The following LMO7 variants were observed in gnomAD, a reference collection of about 807,000 sequenced individuals.
LMO7 encodes the protein LIM domain 7.
A neutral mutation model predicts 206.5 loss-of-function variants in LMO7; 120 were observed. The ratio of observed to expected loss-of-function variants is 0.58; its 90% confidence interval spans 0.50 to 0.68. LMO7 has a LOEUF of 0.68. LMO7 is among the 30% of genes least tolerant of loss of function. The probability of loss-of-function intolerance (pLI) is 0.00; values close to 1 mark genes in which losing one functional copy is unlikely to be tolerated. For missense variants in LMO7, 1,959 were observed against 1,957.9 expected, an observed-to-expected ratio of 1.00 and a Z score of -0.01; for synonymous variants, 706 against 681.5, an observed-to-expected ratio of 1.04 and a Z score of -0.56.
At position 75,808,160 on chromosome 13, in the gene LMO7, C is replaced by T. The variant is rs2055790974; in HGVS notation, c.1877C>T (p.Ala626Val). The change falls in exon 10 of 31, where the codon GCC (alanine) becomes GTC (valine). Residue 626 changes from alanine (A) to valine (V), a missense_variant. Ala to Val is a moderately conservative substitution (Grantham distance 64). Transcript: ENST00000377534. ...AAGAGATGGGAGGCCATCCGGGAGGCCAGCAGACTTAGGCACAAGAAAAGG... is the reference window on the plus strand; with the variant it reads ...AAGAGATGGGAGGCCATCCGGGAGGTCAGCAGACTTAGGCACAAGAAAAGG... ...DLKRWEAIRE[A>V]SRLRHKKRLM... 1 of 1,613,614 alleles carries T rather than the reference C, an allele frequency of 6.2e-7. No individual in the cohort carries two copies. Among genetic ancestry groups the T allele is most frequent in the Non-Finnish European group, 8.5e-7 (1 of 1,179,720 alleles).
chr13:75,705,531 C>T (rs1236775369), intron 1 of LMO7, among the ~76,000 whole-genome samples: 3 of 152,182 alleles, frequency 2.0e-5, no homozygotes, highest in Non-Finnish European at 2.9e-5. Flanking sequence ...ACATAGTCAT[C>T]ACTCCTGTTT....
intron 4 of LMO7, among the ~76,000 whole-genome samples, chr13:75,793,305 T>G (rs1208968388): frequency 6.6e-6 from 1 of 152,166 alleles, no homozygotes; most frequent in African/African-American, 2.4e-5. Flanking sequence ...GACGGAGTCT[T>G]GCTCTTGTCG....
rs114594426 is a variant in LMO7, at chr13:75,686,356, G to T, written c.70-26826G>T. ...CCTCTTTATAAAATGATCAGATCTC[G>T]TGAGACTTAATCATCATCACGAGAA... On this transcript the variant is annotated intron_variant, in intron 1 of 30. Coordinates refer to ENST00000377534, the MANE Select transcript of LMO7 (RefSeq NM_001306080.2). Among the ~76,000 whole-genome samples, 188 of 152,134 alleles carry T rather than the reference G, an allele frequency of 1.2e-3. 2 individuals carry two copies. The highest frequency in any genetic ancestry group is 4.3e-3 in the African/African-American group (179 of 41,498).
At chr13:75,670,535 A>G (rs901961336) in intron 1 of LMO7, among the ~76,000 whole-genome samples, 4 of 152,226 alleles carry the variant, frequency 2.6e-5, no homozygotes, top group Non-Finnish European at 5.9e-5. Flanking sequence ...AATACTGTAG[A>G]TAATTGTAAC....
At chr13:75,662,819 G>T (rs778227446) in intron 1 of LMO7, among the ~76,000 whole-genome samples, 34 of 152,180 alleles carry the variant, frequency 2.2e-4, no homozygotes, top group Non-Finnish European at 4.4e-4. Context: ...CTGTGAAGGA[G>T]GACTGTGTGA....
In LMO7 at chr13:75,626,595, A is replaced by ATATATATATATATTTTTTTTTTTTTTTT; in HGVS notation, c.225+3276_225+3277insATATATATATATTTTTTTTTTTTTTTTT. 8.4e-5 allele frequency among the ~76,000 whole-genome samples: 6 copies of ATATATATATATATTTTTTTTTTTTTTTT among 71,178 alleles called. No individual in the cohort carries two copies. The East Asian group carries it at 2.4e-3, about 28-fold the overall frequency. The allele number at this position is 71,178 out of a possible 152,430, so 46.7% of individuals were successfully genotyped here. A position where few individuals can be genotyped will look rare whatever the true frequency, so the allele number is the denominator to read the frequency against. ...ATATATATTATATATATATATATAA[A>ATATATATATATATTTTTTTTTTTTTTTT]TTTTTTTGAGACAGGGTCTCACTCT... On this transcript the variant is annotated intron_variant, in intron 2 of 29. Coordinates refer to the LMO7 transcript ENST00000341547.
At chr13:75,644,273 T>G (rs994498102) in intron 1 of LMO7, among the ~76,000 whole-genome samples, 3 of 152,200 alleles carry the variant, frequency 2.0e-5, no homozygotes, top group Non-Finnish European at 4.4e-5. Flanking sequence ...CTGAGGATGT[T>G]CTTTTCCAAT....
chr13:75,829,241 G>A (rs1408388085), intron 15 of LMO7, among the ~76,000 whole-genome samples: 4 of 152,160 alleles, frequency 2.6e-5, no homozygotes, highest in Admixed American at 2.6e-4. Flanking sequence ...GGGAAAAAAG[G>A]CTGGAGAAAG....
intron 1 of LMO7, among the ~76,000 whole-genome samples, chr13:75,678,251 T>C (rs1031817566): frequency 6.6e-6 from 1 of 152,224 alleles, no homozygotes; most frequent in Non-Finnish European, 1.5e-5. Flanking sequence ...TAGTTTACAG[T>C]CCCACCACCA....
In LMO7 at chr13:75,807,750, G is replaced by A. The variant is rs772241528; in HGVS notation, c.1467G>A (p.Glu489=). 3 of 1,613,996 alleles carry A rather than the reference G, an allele frequency of 1.9e-6. No homozygotes were observed. The highest frequency in any genetic ancestry group is 2.2e-5 in the East Asian group (1 of 44,878). The change falls in exon 10 of 31, where the codon GAG becomes GAA. Residue 489 remains glutamate (E), a synonymous_variant. Transcript: ENST00000377534. The stretch of plus-strand genomic sequence containing the variant: ...TTGAAGACTTTAGAAAGTTCTCTGA[G>A]CAAGATGATTCTGTAGAGCGAGATA... The part of the protein sequence containing the change: ...RAFEDFRKFS[E]QDDSVERDII...
At chr13:75,782,047 G>A (rs2051556589) in intron 4 of LMO7, among the ~76,000 whole-genome samples, 1 of 152,092 alleles carries the variant, frequency 6.6e-6, no homozygotes, top group South Asian at 2.1e-4. Context: ...AGATGAGTAG[G>A]TTGCAAAAAT....
Position 75,800,837 on chromosome 13 carries a change from T to C in LMO7, c.616T>C (p.Leu206=). ...CTTGGACTCTTTGGGCTCGAGGTCA[T>C]TGACAAGCTGCTCCTCTGATATCAC... ...ESLDSLGSRS[L]TSCSSDITLR... The change falls in exon 7 of 31, where the codon TTG becomes CTG. Residue 206 remains leucine (L), a synonymous_variant. Transcript: ENST00000377534. 1.2e-6 allele frequency: 2 copies of C among 1,613,984 alleles called. No individual in the cohort carries two copies. Among genetic ancestry groups the C allele is most frequent in the Non-Finnish European group, 1.7e-6 (2 of 1,179,926 alleles).
Position 75,821,505 on chromosome 13 carries a change from A to G in LMO7, c.2536A>G (p.Arg846Gly), listed in dbSNP as rs1490876355. 1.9e-6 allele frequency: 3 copies of G among 1,613,980 alleles called. No individual in the cohort carries two copies. The highest frequency in any genetic ancestry group is 1.7e-5 in the Admixed American group (1 of 60,004). ...AACTCGTGTTTCAGCTTCTCTCCCC[A>G]GAAGTTACCGGAAAACTGATACAGT... ...ESTRVSASLP[R>G]SYRKTDTVRL... Residue 846 changes from arginine to glycine, a missense_variant, in exon 14 of 31, where the codon AGA becomes GGA. Physicochemically the swap from Arg to Gly is moderately radical, Grantham distance 125. Coordinates refer to ENST00000377534, the MANE Select transcript of LMO7 (RefSeq NM_001306080.2).
chr13:75,800,781 G>C lies in LMO7; in HGVS notation c.560G>C (p.Arg187Thr). ...CGTGGAGAATTTCTTGCTCCTCCAA[G>C]GCACCATAAGAGAGAAGATTCCTTT... is the stretch of plus-strand genomic sequence containing the variant. Reference protein sequence around the residue: ...PERGEFLAPPRHHKREDSFES... With the variant: ...PERGEFLAPPTHHKREDSFES... Residue 187 changes from arginine to threonine, a missense_variant, in exon 7 of 31, where the codon AGG (arginine) becomes ACG (threonine). By Grantham distance (71) the Arg-to-Thr change is moderately conservative. Transcript: ENST00000377534. 6.2e-7 allele frequency: 1 copy of C among 1,614,124 alleles called. No individual in the cohort carries two copies. The highest frequency in any genetic ancestry group is 8.5e-7 in the Non-Finnish European group (1 of 1,179,986).
At chr13:75,634,381 G>A (rs1235856864), upstream of LMO7, among the ~76,000 whole-genome samples, 1 of 151,926 alleles carries the variant, frequency 6.6e-6, no homozygotes, top group Non-Finnish European at 1.5e-5. Flanking sequence ...AAGGTCACGG[G>A]GAGCTATGAT....
At chr13:75,667,666 G>A (rs190239801) in intron 1 of LMO7, among the ~76,000 whole-genome samples, 39 of 152,010 alleles carry the variant, frequency 2.6e-4, no homozygotes, top group Admixed American at 2.5e-3. Context: ...TTATTATCAT[G>A]AGCATATTTT....
intron 1 of LMO7, among the ~76,000 whole-genome samples, chr13:75,668,155 C>A (rs893310683): frequency 6.6e-6 from 1 of 152,134 alleles, no homozygotes; most frequent in African/African-American, 2.4e-5. Context: ...CTGCAGTGAG[C>A]CAAGATTGCG....
chr13:75,665,545 A>G (rs1457091016), intron 1 of LMO7, among the ~76,000 whole-genome samples: 1 of 139,634 alleles, frequency 7.2e-6, no homozygotes, highest in African/African-American at 2.7e-5. Flanking sequence ...TTTTTTTTTG[A>G]GTCAAAGTCT....
chr13:75,849,005 AC>A (rs1202554361), intron 26 of LMO7, 73 bp from the exon 27 acceptor site: 1 of 826,372 alleles, frequency 1.2e-6, no homozygotes, highest in African/African-American at 1.7e-5. Context: ...TTCCCTGATC[AC>A]TAGTGATGTC....
Sources: allele counts gnomAD v4.1 joint callset (sites outside exome capture counted in the v4.1 genomes callset), GRCh38; gene constraint gnomAD v4.1.1; transcripts MANE v1.5; gene names NCBI Gene and HGNC (gene_info 2026-07-23, HGNC 2026-07-21).